Variants in TAFA5 observed in about 807,000 individuals in gnomAD.
The protein encoded by TAFA5 is chemokine-like protein TAFA-5.
Under a neutral mutation model 15.3 loss-of-function variants are expected in TAFA5, and 6 were observed. The ratio of observed to expected loss-of-function variants is 0.39; its 90% CI spans 0.21 to 0.77. The LOEUF is 0.77. TAFA5 is among the 30% of genes least tolerant of loss of function. The probability of loss-of-function intolerance (pLI) is 0.41; values close to 1 mark genes in which losing one functional copy is unlikely to be tolerated. For missense variants in TAFA5, 161 were observed against 193.1 expected (o/e 0.83, Z 0.98); for synonymous variants, 103 against 80.7 (o/e 1.28, Z -1.48).
At chr22:48,558,981 G>T (rs1923134496) in intron 1 of TAFA5, among the ~76,000 whole-genome samples, 1 of 152,238 alleles carries the variant, frequency 6.6e-6, no homozygotes, top group Non-Finnish European at 1.5e-5. Flanking sequence ...CTAGGCCCAG[G>T]GCGATGGCAT....
intron 3 of TAFA5, among the ~76,000 whole-genome samples, chr22:48,745,688 G>C (rs992218447): frequency 2.0e-5 from 3 of 152,256 alleles, no homozygotes; most frequent in African/African-American, 7.2e-5. Context: ...GGCAGCAGCG[G>C]TGCCTCCTGT....
intron 1 of TAFA5, among the ~76,000 whole-genome samples, chr22:48,638,839 G>A (rs370720234): frequency 1.5e-3 from 138 of 92,376 alleles, no homozygotes; most frequent in East Asian, 2.9e-3. Flanking sequence ...CTGGGACACC[G>A]CACACAGGCG....
chr22:48,711,755 T>G (rs1213152855), intron 3 of TAFA5, among the ~76,000 whole-genome samples: 1 of 152,232 alleles, frequency 6.6e-6, no homozygotes, highest in Non-Finnish European at 1.5e-5. Context: ...CGTTCTCAGA[T>G]TAGAGCTGGC....
chr22:48,619,873 G>A lies in TAFA5; in HGVS notation c.113-26724G>A, dbSNP rs534371487. Among the ~76,000 whole-genome samples the A allele has an allele frequency of 3.9e-5, 6 of 152,358 alleles. No individual in the cohort carries two copies. The East Asian group carries it at 9.7e-4, about 25-fold the overall frequency. ...CCCTGGCTCAGGAGCCCCTGAGAGC[G>A]GCTTCTGCTCCCCGAGCTTCCTGCG... On this transcript the variant is annotated intron_variant, in intron 1 of 3. Transcript: ENST00000402357.
At chr22:48,584,887 C>A (rs1924278232) in intron 1 of TAFA5, among the ~76,000 whole-genome samples, 1 of 137,948 alleles carries the variant, frequency 7.2e-6, no homozygotes, top group Non-Finnish European at 1.6e-5. Flanking sequence ...GCACACCATT[C>A]ACAAAATACA....
chr22:48,610,426 C>T (rs537159465), intron 1 of TAFA5, among the ~76,000 whole-genome samples: 3 of 152,346 alleles, frequency 2.0e-5, no homozygotes, highest in Admixed American at 2.0e-4. Context: ...TAAATCACGA[C>T]GAAAGGTACA....
At chr22:48,534,968 C>T (rs73888446) in intron 1 of TAFA5, among the ~76,000 whole-genome samples, 7,983 of 152,192 alleles carry the variant, frequency 0.052, 238 homozygotes, top group African/African-American at 0.082. Context: ...TCCTTTTCTT[C>T]CTAGTTCTAC....
intron 2 of TAFA5, among the ~76,000 whole-genome samples, chr22:48,678,728 G>T (rs1928057223): frequency 6.6e-6 from 1 of 151,616 alleles, no homozygotes; most frequent in Admixed American, 6.6e-5. Flanking sequence ...ACGCATGATG[G>T]AAACTTCTAA....
At chr22:48,536,753 G>A (rs955246855) in intron 1 of TAFA5, among the ~76,000 whole-genome samples, 4 of 152,188 alleles carry the variant, frequency 2.6e-5, no homozygotes, top group African/African-American at 9.7e-5. Flanking sequence ...GGGCACAGGC[G>A]GCGCGCACAC....
rs139322842 is a variant in TAFA5 at position 48,603,249 on chromosome 22, G to A, written c.113-43348G>A. ...CACTGCCTGTCCTCAGTTCCGGTAG[G>A]GGGAGGGCTTGAGTGCCCGGAGGCT... On this transcript the variant is annotated intron_variant, in intron 1 of 3. Transcript: ENST00000402357. 8.3e-4 allele frequency among the ~76,000 whole-genome samples: 126 copies of A among 152,354 alleles called. 1 individual carries two copies. Among genetic ancestry groups the A allele is most frequent in the African/African-American group, 3.0e-3 (123 of 41,596 alleles).
chr22:48,719,732 C>G (rs1475877663), intron 3 of TAFA5, among the ~76,000 whole-genome samples: 2 of 152,252 alleles, frequency 1.3e-5, no homozygotes, highest in African/African-American at 4.8e-5. Flanking sequence ...AGTCATTACT[C>G]TGCTCCCTGT....
rs566019973 is a variant in TAFA5 at position 48,490,072 on chromosome 22, G to T, written c.112+368G>T. On this transcript the variant is annotated intron_variant, in intron 1 of 3. Transcript: ENST00000402357. The surrounding 1 kb of genome is among the most constrained non-coding windows in gnomAD (Gnocchi z 5.8). Reference sequence around the variant, plus strand: ...GAGGCAGCCGCAGGTCGCGGAGGGCGGGCGGCGCTGCCGGGGTGTCTGCGG... The same window carrying T: ...GAGGCAGCCGCAGGTCGCGGAGGGCTGGCGGCGCTGCCGGGGTGTCTGCGG... 1.3e-5 allele frequency among the ~76,000 whole-genome samples: 2 copies of T among 152,150 alleles called. No individual in the cohort carries two copies. The highest frequency in any genetic ancestry group is 4.1e-4 in the South Asian group (2 of 4,832).
At chr22:48,576,417 C>A in intron 1 of TAFA5, 1 of 1,265,928 alleles carries the variant, frequency 7.9e-7, no homozygotes, top group Non-Finnish European at 1.0e-6. Context: ...CGGCGGGGCG[C>A]TGATGCGGCG....
intron 2 of TAFA5, among the ~76,000 whole-genome samples, chr22:48,674,593 T>C (rs893688009): frequency 7.9e-5 from 12 of 152,194 alleles, no homozygotes; most frequent in African/African-American, 2.9e-4. Context: ...TCCATGTTAG[T>C]GCAGTTAGAC....
At chr22:48,605,884 C>T (rs1268017630) in intron 1 of TAFA5, among the ~76,000 whole-genome samples, 1 of 152,180 alleles carries the variant, frequency 6.6e-6, no homozygotes, top group Non-Finnish European at 1.5e-5. Context: ...TCCATGAGGG[C>T]AGGTTCCGGG....
intron 1 of TAFA5, among the ~76,000 whole-genome samples, chr22:48,563,979 CAA>C (rs71663029): frequency 0.022 from 3,297 of 152,324 alleles, 131 homozygotes; most frequent in African/African-American, 0.075. Flanking sequence ...GTTCTCTGTA[CAA>C]AGAGTGCATT....
intron 2 of TAFA5, among the ~76,000 whole-genome samples, chr22:48,682,692 T>C (rs1256725186): frequency 6.6e-6 from 1 of 152,260 alleles, no homozygotes; most frequent in Non-Finnish European, 1.5e-5. Flanking sequence ...GACAAAAGCC[T>C]GACGGCATTT....
At chr22:48,616,272 CCAA>C (rs1925599788) in intron 1 of TAFA5, among the ~76,000 whole-genome samples, 5 of 152,110 alleles carry the variant, frequency 3.3e-5, no homozygotes, top group African/African-American at 1.2e-4. Context: ...TACAGTGTGG[CCAA>C]TACCGCCGTA....
intron 1 of TAFA5, among the ~76,000 whole-genome samples, chr22:48,567,268 G>C (rs1315500269): frequency 6.6e-6 from 1 of 152,230 alleles, no homozygotes; most frequent in Admixed American, 6.5e-5. Flanking sequence ...TGCCCGCCTG[G>C]CCTCCGGAAG....
Sources: allele counts gnomAD v4.1 joint callset (sites outside exome capture counted in the v4.1 genomes callset), GRCh38; gene constraint gnomAD v4.1.1; non-coding constraint Gnocchi (gnomAD v3.1); transcripts MANE v1.5; gene names NCBI Gene and HGNC (gene_info 2026-07-23, HGNC 2026-07-21).